Variants in GALC observed in about 807,000 individuals in gnomAD.
The protein encoded by GALC is galactocerebrosidase.
GALC carries 77 observed loss-of-function variants against 91.8 expected under a neutral mutation model. The ratio of observed to expected loss-of-function variants is 0.84; its 90% CI spans 0.70 to 1.01. The LOEUF is 1.01. Among genes scored for constraint, GALC ranks in the 50% least tolerant of loss-of-function variants. The pLI, the probability that GALC is intolerant of heterozygous loss-of-function variation, is 0.00. For missense variants in GALC, 882 were observed against 855.9 expected, an observed-to-expected ratio of 1.03 and a Z score of -0.38; for synonymous variants, 357 against 306.7, an observed-to-expected ratio of 1.16 and a Z score of -1.71.
intron 3 of GALC, among the ~76,000 whole-genome samples, chr14:87,987,500 G>C (rs1410051674): frequency 6.6e-6 from 1 of 152,152 alleles, no homozygotes; most frequent in Non-Finnish European, 1.5e-5. Flanking sequence ...AGACATATCT[G>C]TTCAACAAAG....
intron 10 of GALC, chr14:87,952,518 G>T: frequency 1.4e-6 from 1 of 706,884 alleles, no homozygotes. Flanking sequence ...GAACCACCCA[G>T]CCTAGTATCC....
chr14:87,948,100 C>T (rs992864126), intron 12 of GALC, among the ~76,000 whole-genome samples: 1 of 151,940 alleles, frequency 6.6e-6, no homozygotes, highest in African/African-American at 2.4e-5. Context: ...TTTTAAACAA[C>T]CTTACTTCAT....
intron 7 of GALC, among the ~76,000 whole-genome samples, chr14:87,976,052 T>C (rs1886480199): frequency 6.6e-6 from 1 of 152,218 alleles, no homozygotes. Context: ...AACTTTGCCT[T>C]TATAATTTCT....
At chr14:87,981,971 C>G (rs2140028271) in intron 6 of GALC, among the ~76,000 whole-genome samples, 1 of 152,210 alleles carries the variant, frequency 6.6e-6, no homozygotes, top group South Asian at 2.1e-4. Flanking sequence ...CAACACAACT[C>G]TTTAGACAAA....
intron 1 of GALC, 90 bp from the exon 2 acceptor site, chr14:87,988,613 C>CATATTTAG (rs1278070144): frequency 1.1e-6 from 1 of 938,198 alleles, no homozygotes; most frequent in South Asian, 1.3e-5. Context: ...CTGGTATACA[C>CATATTTAG]ATATTTAGCC....
intron 6 of GALC, among the ~76,000 whole-genome samples, chr14:87,978,646 G>C (rs545684290): frequency 6.6e-6 from 1 of 152,024 alleles, no homozygotes; most frequent in South Asian, 2.1e-4. Context: ...TTAAATAGAA[G>C]CTCTATTTAT....
Position 87,934,575 on chromosome 14 carries a change from G to T in GALC, c.*157C>A. On this transcript the variant is annotated 3_prime_UTR_variant, in exon 17 of 17. Transcript: ENST00000261304. The stretch of plus-strand genomic sequence containing the variant: ...ATTAATTCTAATAAAATCTTCCACA[G>T]GGTAAATTAAAAATAAATTTCTCTC... 1 of 1,493,228 alleles carries T rather than the reference G, an allele frequency of 6.7e-7. No individual in the cohort carries two copies. Among genetic ancestry groups the T allele is most frequent in the African/African-American group, 1.4e-5 (1 of 70,996 alleles). The allele number at this position is 1,493,228 out of a possible 1,614,324, so 92.5% of individuals were successfully genotyped here.
chr14:87,943,597 C>T (rs2285011), intron 14 of GALC, among the ~76,000 whole-genome samples: 69,890 of 151,950 alleles, frequency 0.46, 17,766 homozygotes, highest in East Asian at 0.75. Context: ...TGTTCTGCCA[C>T]TTACAAGTGA....
chr14:87,984,293 T>A (rs781167827), intron 5 of GALC, 101 bp downstream of exon 5: 4 of 1,141,634 alleles, frequency 3.5e-6, no homozygotes, highest in Non-Finnish European at 5.0e-6. Flanking sequence ...ATTAGCCTCA[T>A]GGCATAAAAT....
intron 10 of GALC, chr14:87,954,868 A>G: frequency 6.2e-7 from 1 of 1,602,824 alleles, no homozygotes. Flanking sequence ...GCCATTTACT[A>G]TGAAGAAAAT....
chr14:87,949,819 A>T, intron 12 of GALC, 26 bp downstream of exon 12: 1 of 1,193,852 alleles, frequency 8.4e-7, no homozygotes, highest in Non-Finnish European at 1.3e-6. Flanking sequence ...GAATACCCAA[A>T]ATATAAGAAT....
chr14:87,980,151 G>A (rs112607366), intron 6 of GALC, among the ~76,000 whole-genome samples: 17,138 of 152,142 alleles, frequency 0.11, 1,112 homozygotes, highest in Non-Finnish European at 0.16. Context: ...GGGAGGCCGA[G>A]GCGGGCGGAT....
At chr14:87,970,749 G>T (rs1179467130) in intron 7 of GALC, among the ~76,000 whole-genome samples, 1 of 150,208 alleles carries the variant, frequency 6.7e-6, no homozygotes, top group Non-Finnish European at 1.5e-5. Flanking sequence ...TGTGCCTGTA[G>T]TCCCAGCTAC....
intron 15 of GALC, 140 bp from the exon 16 acceptor site, chr14:87,940,121 G>A: frequency 1.3e-6 from 1 of 748,802 alleles, no homozygotes; most frequent in Non-Finnish European, 2.4e-6. Context: ...TTCATTCCCA[G>A]ATCTACAACT....
Position 87,952,889 on chromosome 14 carries a change from T to G in GALC, c.1162-2141A>C, listed in dbSNP as rs78811868. On this transcript the variant is annotated intron_variant, in intron 10 of 16. Coordinates refer to ENST00000261304, the MANE Select transcript of GALC (RefSeq NM_000153.4). ...TTGAAAGCATAGTTCTGCATTTAACTGAAAAGTATCAAAAGCTTCTCAGTG... is the reference window on the plus strand; with the variant it reads ...TTGAAAGCATAGTTCTGCATTTAACGGAAAAGTATCAAAAGCTTCTCAGTG... The G allele has an allele frequency of 2.0e-3, 1,976 of 1,002,186 alleles. 3 individuals carry two copies. Among genetic ancestry groups the G allele is most frequent in the Non-Finnish European group, 2.7e-3 (1,689 of 635,348 alleles). 62.1% of individuals were successfully genotyped at this position (1,002,186 alleles called of 1,614,324 possible). A position where few individuals can be genotyped will look rare whatever the true frequency, so the allele number is the denominator to read the frequency against.
rs544375726 is a variant in GALC, at chr14:87,966,918, A to T, written c.909-1289T>A. On this transcript the variant is annotated intron_variant, in intron 8 of 16. Coordinates refer to ENST00000261304, the MANE Select transcript of GALC (RefSeq NM_000153.4). ...TTCAATAAACAATAATATATTTTCCACATCAGTGTTTCCCAACTTGTGTGG... is the reference window on the plus strand; with the variant it reads ...TTCAATAAACAATAATATATTTTCCTCATCAGTGTTTCCCAACTTGTGTGG... Among the ~76,000 whole-genome samples, 22 of 152,300 alleles carry T rather than the reference A, an allele frequency of 1.4e-4. 1 individual carries two copies. Among genetic ancestry groups the T allele is most frequent in the Admixed American group, 5.9e-4 (9 of 15,278 alleles).
chr14:87,948,123 T>C (rs546768337), intron 12 of GALC, among the ~76,000 whole-genome samples: 1 of 151,996 alleles, frequency 6.6e-6, no homozygotes, highest in East Asian at 1.9e-4. Flanking sequence ...AAGGAAGGAC[T>C]AAATAATCTC....
chr14:87,962,459 A>G (rs1885845947), intron 10 of GALC, among the ~76,000 whole-genome samples: 1 of 152,086 alleles, frequency 6.6e-6, no homozygotes, highest in Admixed American at 6.6e-5. Context: ...ACTGCCAGGA[A>G]TATTTACTGT....
At chr14:87,952,861 G>T in intron 10 of GALC, 1 of 1,128,320 alleles carries the variant, frequency 8.9e-7, no homozygotes, top group Non-Finnish European at 1.3e-6. Context: ...CAAATATGTG[G>T]ATTTGAAAGC....
Sources: gnomAD v4.1 joint callset for allele counts (sites outside exome capture counted in the v4.1 genomes callset) on GRCh38, gnomAD v4.1.1 for gene constraint, MANE v1.5 for transcripts, NCBI Gene and HGNC (gene_info 2026-07-23, HGNC 2026-07-21) for gene names.